The following ARRDC2 variants were observed in gnomAD, a reference collection of about 807,000 sequenced individuals.
ARRDC2 encodes the protein arrestin domain containing 2, also known as arrestin domain-containing protein 2.
ARRDC2 carries 39 observed loss-of-function variants against 38.9 expected under a neutral mutation model. The observed-to-expected ratio is 1.00, with a 90% CI of 0.78 to 1.31. The LOEUF is 1.31. Ranked by LOEUF, ARRDC2 falls within the 50% of genes most tolerant of loss-of-function variation. The pLI is 0.00. For synonymous variants in ARRDC2, 300 were observed against 261.9 expected (o/e 1.15, Z -1.41); for missense variants, 553 against 588.4 (o/e 0.94, Z 0.62).
Position 18,010,586 on chromosome 19 carries a change from TC to T in ARRDC2, c.1028del (p.Ser343TrpfsTer4), listed in dbSNP as rs1407290517. On this transcript the variant is annotated frameshift_variant, in exon 7 of 8. Coordinates refer to ENST00000222250, the MANE Select transcript of ARRDC2 (RefSeq NM_015683.2). LOFTEE classifies it high-confidence loss of function. ...PERPEAPPEYSEVVADTEEAA... is the reference protein window; with the variant it reads ...PERPEAPPEYXEVVADTEEAA... ...CTCGCTTCCAGCTCCTCCTGAGTACTCGGAGGTGGTAGCCGACACTGAGGAG... is the reference window on the plus strand; with the variant it reads ...CTCGCTTCCAGCTCCTCCTGAGTACTGGAGGTGGTAGCCGACACTGAGGAG... 3 of 1,613,686 alleles carry T rather than the reference TC, an allele frequency of 1.9e-6. No individual in the cohort carries two copies. In the East Asian group the frequency reaches 6.7e-5, roughly 36 times the overall value.
chr19:18,001,477 C>A, exon 1 of ARRDC2: 1 of 1,294,858 alleles, frequency 7.7e-7, no homozygotes, highest in Non-Finnish European at 9.8e-7. Context: ...GGCGGCCACC[C>A]ACTGGTTGGA....
chr19:18,011,477 G>A (rs1353925127), intron 7 of ARRDC2, among the ~76,000 whole-genome samples: 2 of 152,180 alleles, frequency 1.3e-5, no homozygotes, highest in East Asian at 3.9e-4. Flanking sequence ...ACATACAGTC[G>A]GCCCTCTGCG....
Position 18,008,955 on chromosome 19 carries a change from C to G in ARRDC2, c.342-16C>G. ...CTCTGTATCTTGTCCCCTGAAGTCC[C>G]GTCCCTCCACCCTAGGACCCTGGTG... On this transcript the variant is annotated splice_polypyrimidine_tract_variant and intron_variant, in intron 2 of 7. Transcript: ENST00000222250. The G allele has an allele frequency of 6.2e-7, 1 of 1,612,618 alleles. No homozygotes were observed. Among genetic ancestry groups the G allele is most frequent in the Non-Finnish European group, 8.5e-7 (1 of 1,179,294 alleles).
intron 1 of ARRDC2, among the ~76,000 whole-genome samples, chr19:18,003,102 A>T (rs545975855): frequency 6.6e-6 from 1 of 151,838 alleles, no homozygotes. Context: ...TCCGTCTCAA[A>T]AACAAAAACA....
chr19:18,002,185 CACCTCAGTTT>C (rs1261851872), intron 1 of ARRDC2, among the ~76,000 whole-genome samples: 1 of 152,218 alleles, frequency 6.6e-6, no homozygotes, highest in Non-Finnish European at 1.5e-5. Context: ...CCCAGGGCCC[CACCTCAGTTT>C]ACCCCACAGG....
At chr19:18,006,449 A>T (rs1178689137), upstream of ARRDC2, among the ~76,000 whole-genome samples, 1 of 151,954 alleles carries the variant, frequency 6.6e-6, no homozygotes, top group Non-Finnish European at 1.5e-5. Context: ...ACACAGCGAA[A>T]CCCCTTCTCC....
chr19:18,008,124 C>CA, upstream of ARRDC2: 2 of 766,804 alleles, frequency 2.6e-6, no homozygotes, highest in Non-Finnish European at 3.6e-6. Context: ...TGACCCCACC[C>CA]CCCCCCGCCC....
At chr19:18,005,565 G>T (rs1384179191), upstream of ARRDC2, among the ~76,000 whole-genome samples, 1 of 151,496 alleles carries the variant, frequency 6.6e-6, no homozygotes, top group Admixed American at 6.6e-5. Flanking sequence ...CAGTAGGGGC[G>T]GCCGGGCAGA....
Position 18,013,990 on chromosome 19 carries a change from C to T in ARRDC2, c.*1024C>T, listed in dbSNP as rs900884957. Reference sequence around the variant, plus strand: ...TGGACAAGCTCCCAACTGCAGAGTCCCAGCCCTGGCTGGGGCAGGGCCCCG... The same window carrying T: ...TGGACAAGCTCCCAACTGCAGAGTCTCAGCCCTGGCTGGGGCAGGGCCCCG... On this transcript the variant is annotated 3_prime_UTR_variant, in exon 8 of 8. Coordinates refer to ENST00000222250, the MANE Select transcript of ARRDC2 (RefSeq NM_015683.2). The T allele has an allele frequency of 2.0e-5, 3 of 152,066 alleles. No homozygotes were observed. The highest frequency in any genetic ancestry group is 2.9e-5 in the Non-Finnish European group (2 of 67,986). The allele number at this position is 152,066 out of a possible 1,614,324, so 9.4% of individuals were successfully genotyped here.
At chr19:18,012,739 G>A (rs113647666) in intron 7 of ARRDC2, among the ~76,000 whole-genome samples, 174 bp from the exon 8 acceptor site, 68 of 152,210 alleles carry the variant, frequency 4.5e-4, no homozygotes, top group African/African-American at 1.6e-3. Flanking sequence ...ACCAAGGGAC[G>A]GTATACACTC....
upstream of ARRDC2, among the ~76,000 whole-genome samples, chr19:18,003,483 C>G (rs2033217537): frequency 6.6e-6 from 1 of 151,414 alleles, no homozygotes; most frequent in Admixed American, 6.6e-5. Flanking sequence ...GAGACAGAGT[C>G]TCACTCTGTC....
At chr19:18,001,398 C>T in exon 1 of ARRDC2, 3 of 1,217,246 alleles carry the variant, frequency 2.5e-6, no homozygotes, top group Non-Finnish European at 3.1e-6. Flanking sequence ...AGCGGCTGTG[C>T]GGCCGGGTGC....
At chr19:18,001,614 C>T in intron 1 of ARRDC2, 2 of 1,296,490 alleles carry the variant, frequency 1.5e-6, no homozygotes, top group South Asian at 2.1e-5. Flanking sequence ...AGCCGGGACC[C>T]CCTCGGCCGC....
Position 18,013,489 on chromosome 19 carries a change from G to A in ARRDC2, c.*523G>A, listed in dbSNP as rs761852085. ...CTGAGTGACGTTTGGAATCCACCCC[G>A]TTTATTGTAGAACTGGGGGTTCAGA... On this transcript the variant is annotated 3_prime_UTR_variant, in exon 8 of 8. Transcript: ENST00000222250. 6.9e-4 allele frequency: 106 copies of A among 153,098 alleles called. 1 individual carries two copies. Among genetic ancestry groups the A allele is most frequent in the Non-Finnish European group, 1.3e-3 (91 of 68,424 alleles). The allele number at this position is 153,098 out of a possible 1,614,324, so 9.5% of individuals were successfully genotyped here.
rs904046049 is a variant in ARRDC2, at chr19:18,009,870, T to A, written c.680T>A (p.Phe227Tyr). The A allele has an allele frequency of 3.7e-6, 6 of 1,611,576 alleles. No individual in the cohort carries two copies. Among genetic ancestry groups the A allele is most frequent in the Admixed American group, 1.7e-5 (1 of 59,974 alleles). ...PRAAVVQTQT[F>Y]MARGARKQKR... ...GCAGCCGTGGTGCAGACACAGACGT[T>A]CATGGCCCGAGGCGCCCGAAAGCAG... The change falls in exon 5 of 8, where the codon TTC becomes TAC. Residue 227 changes from phenylalanine to tyrosine, a missense_variant. Transcript: ENST00000222250.
Position 18,008,348 on chromosome 19 carries a change from T to A in ARRDC2, c.38T>A (p.Leu13Ter). The change falls in exon 1 of 8, where the codon TTG (leucine) becomes TAG (stop). Residue 13 changes from leucine (L) to a stop codon, truncating the protein, a stop_gained. Coordinates refer to ENST00000222250, the MANE Select transcript of ARRDC2 (RefSeq NM_015683.2). LOFTEE classifies it high-confidence loss of function. ...AAGGTGAAAGCGTTCTCGGTGCAGT[T>A]GGACGGCGCGACCGCGGGCGTCGAG... is the stretch of plus-strand genomic sequence containing the variant. ...FDKVKAFSVQ[L>*]DGATAGVEPV... 1 of 1,596,948 alleles carries A rather than the reference T, an allele frequency of 6.3e-7. No homozygotes were observed. The highest frequency in any genetic ancestry group is 1.3e-5 in the African/African-American group (1 of 74,716).
chr19:18,008,115 G>GTGCCCCCCCCC, upstream of ARRDC2: 1 of 810,032 alleles, frequency 1.2e-6, no homozygotes, highest in Non-Finnish European at 1.7e-6. Flanking sequence ...AAGAGACGGT[G>GTGCCCCCCCCC]ACCCCACCCC....
intron 1 of ARRDC2, chr19:18,001,619 G>A: frequency 7.7e-7 from 1 of 1,294,406 alleles, no homozygotes; most frequent in Non-Finnish European, 9.8e-7. Flanking sequence ...GGACCCCCTC[G>A]GCCGCGACCC....
intron 3 of ARRDC2, 82 bp from the exon 4 acceptor site, chr19:18,009,510 G>T: frequency 7.7e-7 from 1 of 1,297,436 alleles, no homozygotes; most frequent in South Asian, 1.4e-5. Context: ...TCCTCCCTCA[G>T]CTGGGGGTGG....
Sources: allele counts gnomAD v4.1 joint callset (sites outside exome capture counted in the v4.1 genomes callset), GRCh38; gene constraint gnomAD v4.1.1; transcripts MANE v1.5; gene names NCBI Gene and HGNC (gene_info 2026-07-23, HGNC 2026-07-21).